Variants in PHACTR1 observed in about 807,000 individuals in gnomAD.
The protein encoded by PHACTR1 is phosphatase and actin regulator 1.
In PHACTR1, 16 loss-of-function variants were observed where a neutral mutation model predicts 69.2. That is an observed-to-expected ratio of 0.23 (90% CI 0.16 to 0.35). The LOEUF (loss-of-function observed/expected upper bound fraction) is 0.35. Among genes scored for constraint, PHACTR1 ranks in the 10% least tolerant of loss-of-function variants. PHACTR1 has a pLI of 1.00. For synonymous variants in PHACTR1, 312 were observed against 284.5 expected (o/e 1.10, Z -0.97); for missense variants, 510 against 734.7 (o/e 0.69, Z 3.54).
chr6:13,034,079 C>T (rs1344695879), intron 4 of PHACTR1, among the ~76,000 whole-genome samples: 3 of 151,652 alleles, frequency 2.0e-5, no homozygotes, highest in East Asian at 2.0e-4. Flanking sequence ...TGCAGTGGCG[C>T]GATCTCGGCT....
intron 7 of PHACTR1, among the ~76,000 whole-genome samples, chr6:13,183,512 C>T (rs1001998877): frequency 1.3e-5 from 2 of 152,154 alleles, no homozygotes; most frequent in Non-Finnish European, 2.9e-5. Flanking sequence ...TGAGTCATTG[C>T]TCCATCACTG....
intron 3 of PHACTR1, among the ~76,000 whole-genome samples, chr6:12,719,893 C>A (rs940465337): frequency 6.6e-6 from 1 of 152,166 alleles, no homozygotes; most frequent in Non-Finnish European, 1.5e-5. Context: ...CAGAGCATGA[C>A]CCAGTCTTCT....
intron 4 of PHACTR1, among the ~76,000 whole-genome samples, chr6:12,787,690 G>A (rs560361517): frequency 6.6e-6 from 1 of 152,244 alleles, no homozygotes; most frequent in African/African-American, 2.4e-5. Context: ...ACAGGTTCCC[G>A]GGACCTTTCT....
chr6:13,190,198 A>ATTTTTTTTTTTTTTTTTTTTTTTT lies in PHACTR1; in HGVS notation c.664+7528_664+7529insTTTTTTTTTTTTTTTTTTTTTTTT, dbSNP rs1215055032. On this transcript the variant is annotated intron_variant, in intron 7 of 14. Coordinates refer to ENST00000332995, the MANE Select transcript of PHACTR1 (RefSeq NM_030948.6). ...GCCACTATGCTCAGCTAATTTTTGTATTTTTTTTTTTTTTTTAGTAGAGGT... is the reference window on the plus strand; with the variant it reads ...GCCACTATGCTCAGCTAATTTTTGTATTTTTTTTTTTTTTTTTTTTTTTTTTTTTTTTTTTTTTTTAGTAGAGGT... Among the ~76,000 whole-genome samples the ATTTTTTTTTTTTTTTTTTTTTTTT allele has an allele frequency of 8.0e-5, 7 of 87,252 alleles. 2 individuals carry two copies. Among genetic ancestry groups the ATTTTTTTTTTTTTTTTTTTTTTTT allele is most frequent in the Non-Finnish European group, 1.5e-4 (7 of 47,212 alleles). 57.2% of individuals were successfully genotyped at this position (87,252 alleles called of 152,430 possible).
chr6:12,766,391 A>G (rs1768615760), intron 4 of PHACTR1, among the ~76,000 whole-genome samples: 1 of 152,182 alleles, frequency 6.6e-6, no homozygotes, highest in South Asian at 2.1e-4. Flanking sequence ...ATTGTGTCCT[A>G]CAGAACTCTG....
chr6:12,903,815 GC>G (rs1428193228), intron 4 of PHACTR1, among the ~76,000 whole-genome samples: 3 of 152,180 alleles, frequency 2.0e-5, no homozygotes, highest in Admixed American at 6.5e-5. Flanking sequence ...AGAGATTTCA[GC>G]CTACTAACAA....
intron 7 of PHACTR1, chr6:13,184,837 C>T (rs1240721932): frequency 7.3e-7 from 1 of 1,366,568 alleles, no homozygotes; most frequent in Non-Finnish European, 9.8e-7. Flanking sequence ...GTCTGGAGTC[C>T]TCCTGTCCCA....
intron 5 of PHACTR1, among the ~76,000 whole-genome samples, chr6:13,110,443 T>G (rs1483256691): frequency 6.6e-6 from 1 of 152,232 alleles, no homozygotes. Flanking sequence ...TTTGAATGAC[T>G]TCAGCTTTCT....
chr6:12,994,957 C>G (rs1001085889), intron 4 of PHACTR1, among the ~76,000 whole-genome samples: 22 of 151,908 alleles, frequency 1.4e-4, no homozygotes, highest in Admixed American at 5.9e-4. Flanking sequence ...ATCATAGACC[C>G]TCACTGAACA....
At chr6:12,881,585 C>T (rs1035324295) in intron 4 of PHACTR1, among the ~76,000 whole-genome samples, 1 of 152,082 alleles carries the variant, frequency 6.6e-6, no homozygotes, top group Non-Finnish European at 1.5e-5. Context: ...ACCCTCTTCC[C>T]TCTCCATTTC....
intron 4 of PHACTR1, among the ~76,000 whole-genome samples, chr6:12,894,581 G>A (rs1232759094): frequency 6.6e-6 from 1 of 152,188 alleles, no homozygotes; most frequent in Non-Finnish European, 1.5e-5. Flanking sequence ...CTCCAGCCTG[G>A]GTGACAGAGC....
Position 12,830,129 on chromosome 6 carries a change from G to GAAAGAAAGAAAAGA in PHACTR1, c.250+80350_250+80351insAGAAAAGAAAGAAA, listed in dbSNP as rs1554146477. On this transcript the variant is annotated intron_variant, in intron 4 of 14. Coordinates refer to ENST00000332995, the MANE Select transcript of PHACTR1 (RefSeq NM_030948.6). ...AGAAAGAAAGAAAGAAAGAAAGAAA[G>GAAAGAAAGAAAAGA]AAAGAAAGAAAGAAAGAAAGAAAGA... is the stretch of plus-strand genomic sequence containing the variant. 2.2e-5 allele frequency among the ~76,000 whole-genome samples: 3 copies of GAAAGAAAGAAAAGA among 136,678 alleles called. 1 individual carries two copies. The highest frequency in any genetic ancestry group is 4.8e-5 in the Non-Finnish European group (3 of 61,986). 89.7% of individuals were successfully genotyped at this position (136,678 alleles called of 152,430 possible).
At chr6:12,932,954 G>A (rs1467238221) in intron 4 of PHACTR1, among the ~76,000 whole-genome samples, 1 of 59,466 alleles carries the variant, frequency 1.7e-5, no homozygotes, top group Non-Finnish European at 3.3e-5. Flanking sequence ...TTTTTTTTTT[G>A]AGATTGAGTC....
chr6:13,258,566 A>AT (rs1562080809), intron 10 of PHACTR1, among the ~76,000 whole-genome samples: 1 of 152,222 alleles, frequency 6.6e-6, no homozygotes, highest in Non-Finnish European at 1.5e-5. Flanking sequence ...GCTTGAAGTT[A>AT]TAAGTTCAGT....
intron 5 of PHACTR1, among the ~76,000 whole-genome samples, chr6:13,078,926 G>A (rs1218769843): frequency 6.6e-6 from 1 of 152,184 alleles, no homozygotes; most frequent in African/African-American, 2.4e-5. Context: ...GAATAGATCT[G>A]TGCCCATTTT....
intron 5 of PHACTR1, among the ~76,000 whole-genome samples, chr6:13,076,562 A>G (rs992858757): frequency 6.6e-5 from 10 of 152,294 alleles, no homozygotes; most frequent in African/African-American, 2.4e-4. Context: ...TTTTGTACAT[A>G]CTAAGTGCTA....
At chr6:12,738,920 A>G (rs940051513) in intron 3 of PHACTR1, among the ~76,000 whole-genome samples, 3 of 152,156 alleles carry the variant, frequency 2.0e-5, no homozygotes, top group African/African-American at 7.2e-5. Flanking sequence ...TGAATTTATT[A>G]TATTATTTAT....
chr6:13,003,040 G>C (rs1798279148), intron 4 of PHACTR1, among the ~76,000 whole-genome samples: 1 of 152,144 alleles, frequency 6.6e-6, no homozygotes, highest in Non-Finnish European at 1.5e-5. Context: ...GGACAGATTT[G>C]AAGGTTTATC....
chr6:13,143,891 C>T (rs967124037), intron 5 of PHACTR1, among the ~76,000 whole-genome samples: 4 of 152,038 alleles, frequency 2.6e-5, no homozygotes, highest in Non-Finnish European at 4.4e-5. Flanking sequence ...CCTGTGAATG[C>T]GTAGTTTTTG....
Sources: gnomAD v4.1 joint callset for allele counts (sites outside exome capture counted in the v4.1 genomes callset) on GRCh38, gnomAD v4.1.1 for gene constraint, MANE v1.5 for transcripts, NCBI Gene and HGNC (gene_info 2026-07-23, HGNC 2026-07-21) for gene names.